Variants in ARHGAP24 observed in about 807,000 individuals in gnomAD.
ARHGAP24 encodes Rho GTPase activating protein 24, also known as rho GTPase-activating protein 24.
Under a neutral mutation model 76.4 loss-of-function variants are expected in ARHGAP24, and 50 were observed. The ratio of observed to expected loss-of-function variants is 0.65; its 90% confidence interval spans 0.52 to 0.83. The LOEUF is 0.83. Among genes scored for constraint, ARHGAP24 ranks in the 40% least tolerant of loss-of-function variants. ARHGAP24 has a pLI of 0.00. For missense variants in ARHGAP24, 930 were observed against 914.2 expected, an observed-to-expected ratio of 1.02 and a Z score of -0.22; for synonymous variants, 345 against 323.3, an observed-to-expected ratio of 1.07 and a Z score of -0.72.
chr4:85,729,426 C>T (rs1308702944), intron 3 of ARHGAP24, among the ~76,000 whole-genome samples: 3 of 152,226 alleles, frequency 2.0e-5, no homozygotes, highest in Non-Finnish European at 2.9e-5. Context: ...GTACAAAGAA[C>T]GTTTTAAAAA....
chr4:85,497,594 G>A (rs1723629349), intron 1 of ARHGAP24, among the ~76,000 whole-genome samples: 1 of 152,116 alleles, frequency 6.6e-6, no homozygotes, highest in African/African-American at 2.4e-5. Context: ...GGCTGAGGCA[G>A]GTGGATCTCC....
intron 3 of ARHGAP24, among the ~76,000 whole-genome samples, chr4:85,846,876 A>G (rs1222892574): frequency 6.6e-6 from 1 of 152,246 alleles, no homozygotes; most frequent in Non-Finnish European, 1.5e-5. Flanking sequence ...AGGGTGAGAT[A>G]TCAGAGAAAA....
chr4:85,598,345 C>T (rs1028239057), intron 2 of ARHGAP24, among the ~76,000 whole-genome samples: 1 of 152,042 alleles, frequency 6.6e-6, no homozygotes, highest in South Asian at 2.1e-4. Context: ...TTACTCATTA[C>T]ATTTAGATAT....
intron 1 of ARHGAP24, among the ~76,000 whole-genome samples, chr4:85,522,155 G>A (rs1363655432): frequency 6.6e-6 from 1 of 152,120 alleles, no homozygotes; most frequent in Non-Finnish European, 1.5e-5. Flanking sequence ...AAGTCCATCT[G>A]TTTTACTGGT....
intron 3 of ARHGAP24, among the ~76,000 whole-genome samples, chr4:85,832,005 T>C (rs1730017707): frequency 6.6e-6 from 1 of 151,904 alleles, no homozygotes; most frequent in African/African-American, 2.4e-5. Context: ...GTGGGGCCAA[T>C]AGATTAGGAG....
intron 3 of ARHGAP24, among the ~76,000 whole-genome samples, chr4:85,743,285 AC>A (rs145643225): frequency 0.033 from 5,047 of 151,826 alleles, 260 homozygotes; most frequent in African/African-American, 0.12. Flanking sequence ...TGAGAGAAAG[AC>A]AAAGGGACTT....
intron 2 of ARHGAP24, among the ~76,000 whole-genome samples, chr4:85,571,286 CTTTA>C (rs1005486064): frequency 6.6e-6 from 1 of 152,126 alleles, no homozygotes; most frequent in African/African-American, 2.4e-5. Flanking sequence ...CTTAGTGGTT[CTTTA>C]TTTGCTTATT....
At chr4:85,827,461 CGTGTGTGTGTGTGT>C (rs56379272) in intron 3 of ARHGAP24, among the ~76,000 whole-genome samples, 1,608 of 108,710 alleles carry the variant, frequency 0.015, 28 homozygotes, top group African/African-American at 0.047. Flanking sequence ...GAAGTCTGCC[CGTGTGTGTGTGTGT>C]GTGTGTGTGT....
intron 2 of ARHGAP24, among the ~76,000 whole-genome samples, chr4:85,634,825 T>G (rs1578096540): frequency 6.6e-6 from 1 of 151,882 alleles, no homozygotes; most frequent in African/African-American, 2.4e-5. Context: ...TTTGATGCCT[T>G]TCTACTTTAC....
chr4:85,500,702 T>C (rs1723767998), intron 1 of ARHGAP24, among the ~76,000 whole-genome samples: 1 of 152,106 alleles, frequency 6.6e-6, no homozygotes, highest in Non-Finnish European at 1.5e-5. Flanking sequence ...GAATGGAATA[T>C]GGGGACTCAT....
chr4:85,924,963 T>C (rs1735936330), intron 4 of ARHGAP24, among the ~76,000 whole-genome samples: 1 of 152,180 alleles, frequency 6.6e-6, no homozygotes, highest in Non-Finnish European at 1.5e-5. Flanking sequence ...TCCCACGGTG[T>C]TCTAGTTTGG....
Position 85,568,301 on chromosome 4 carries a change from T to G in ARHGAP24, c.-20-2221T>G, listed in dbSNP as rs112571005. Reference sequence around the variant, plus strand: ...AATGAATTCTAGATTTGTGTGTGCATGTTTGTTGCGGGGGGGAGGGGGGCG... The same window carrying G: ...AATGAATTCTAGATTTGTGTGTGCAGGTTTGTTGCGGGGGGGAGGGGGGCG... On this transcript the variant is annotated intron_variant, in intron 1 of 9. Transcript: ENST00000395184. 3.4e-5 allele frequency among the ~76,000 whole-genome samples: 5 copies of G among 148,988 alleles called. 1 individual carries two copies. The highest frequency in any genetic ancestry group is 1.2e-4 in the African/African-American group (5 of 40,494).
intron 2 of ARHGAP24, among the ~76,000 whole-genome samples, chr4:85,605,889 G>C (rs1720176918): frequency 6.6e-6 from 1 of 152,180 alleles, no homozygotes; most frequent in Non-Finnish European, 1.5e-5. Flanking sequence ...CAATAGGGTT[G>C]GAGGTGTGTT....
chr4:85,642,414 T>C (rs2109971633), intron 2 of ARHGAP24, among the ~76,000 whole-genome samples: 1 of 152,262 alleles, frequency 6.6e-6, no homozygotes, highest in South Asian at 2.1e-4. Flanking sequence ...CTTTCAATAG[T>C]CTACTAAGCG....
intron 2 of ARHGAP24, among the ~76,000 whole-genome samples, chr4:85,643,234 G>GTGTGTGTTTTTTT (rs1721592505): frequency 7.3e-5 from 4 of 54,628 alleles, no homozygotes; most frequent in African/African-American, 2.4e-4. Context: ...GTTTTTTTGT[G>GTGTGTGTTTTTTT]TTTTTTTTTT....
At chr4:85,478,828 A>G (rs1197058845) in intron 1 of ARHGAP24, among the ~76,000 whole-genome samples, 2 of 152,162 alleles carry the variant, frequency 1.3e-5, no homozygotes, top group Non-Finnish European at 2.9e-5. Context: ...AACTTACCCA[A>G]TTCCGTGAAG....
intron 3 of ARHGAP24, among the ~76,000 whole-genome samples, chr4:85,782,359 T>C (rs1489190520): frequency 6.6e-6 from 1 of 152,198 alleles, no homozygotes; most frequent in African/African-American, 2.4e-5. Context: ...ATTCCTGAAA[T>C]GTCAGTGTCA....
At chr4:85,558,784 C>T (rs1167842735) in intron 1 of ARHGAP24, among the ~76,000 whole-genome samples, 1 of 152,174 alleles carries the variant, frequency 6.6e-6, no homozygotes, top group African/African-American at 2.4e-5. Flanking sequence ...TTAAGTACCT[C>T]GGGGTTTTCA....
intron 2 of ARHGAP24, among the ~76,000 whole-genome samples, chr4:85,670,968 G>A (rs1722796269): frequency 6.6e-6 from 1 of 152,084 alleles, no homozygotes; most frequent in Admixed American, 6.6e-5. Context: ...GGGCCCAAGT[G>A]TGTGTTTGAA....
Sources: gnomAD v4.1 joint callset for allele counts (sites outside exome capture counted in the v4.1 genomes callset) on GRCh38, gnomAD v4.1.1 for gene constraint, MANE v1.5 for transcripts, NCBI Gene and HGNC (gene_info 2026-07-23, HGNC 2026-07-21) for gene names.